Variants in FKBP6 observed in about 807,000 individuals in gnomAD.
The protein encoded by FKBP6 is inactive peptidyl-prolyl cis-trans isomerase FKBP6.
In FKBP6, 29 loss-of-function variants were observed where a neutral mutation model predicts 41.7. The ratio of observed to expected loss-of-function variants is 0.70; its 90% CI spans 0.52 to 0.95. The LOEUF is 0.95. FKBP6 is among the 40% of genes least tolerant of loss of function. The probability of loss-of-function intolerance (pLI) is 0.00; values close to 1 mark genes in which losing one functional copy is unlikely to be tolerated. For missense variants in FKBP6, 338 were observed against 408.7 expected, an observed-to-expected ratio of 0.83 and a Z score of 1.49; for synonymous variants, 130 against 165.1, an observed-to-expected ratio of 0.79 and a Z score of 1.63.
chr7:73,351,279 C>G (rs1805483416), intron 8 of FKBP6, among the ~76,000 whole-genome samples: 1 of 152,184 alleles, frequency 6.6e-6, no homozygotes, highest in South Asian at 2.1e-4. Context: ...ATTCATCCGC[C>G]TCAGCCTCCC....
intron 8 of FKBP6, among the ~76,000 whole-genome samples, chr7:73,352,123 G>A (rs1266327232): frequency 1.3e-5 from 2 of 152,126 alleles, no homozygotes; most frequent in Non-Finnish European, 2.9e-5. Context: ...GTGCCAGCAT[G>A]CCCTGCTGAT....
In FKBP6 at chr7:73,342,875, G is replaced by C; in HGVS notation, c.962G>C (p.Gly321Ala). Residue 321 changes from glycine to alanine, a missense_variant, in exon 8 of 9, where the codon GGT becomes GCT. Gly to Ala is a moderately conservative substitution (Grantham distance 60). This residue lies in a region of FKBP6 where 239 missense variants were observed against 250.1 expected (regional missense o/e 0.96). Transcript: ENST00000252037. ...CGCATGTTCGCGCCCTGTGGCGATG[G>C]TTCTACAGCAGGAGAAAGTTGAAGG... is the stretch of plus-strand genomic sequence containing the variant. ...WHRMFAPCGD[G>A]STAGES 1 of 1,613,746 alleles carries C rather than the reference G, an allele frequency of 6.2e-7. No homozygotes were observed. The highest frequency in any genetic ancestry group is 8.5e-7 in the Non-Finnish European group (1 of 1,179,588).
At position 73,340,666 on chromosome 7, in the gene FKBP6, C is replaced by T. The variant is rs969153937; in HGVS notation, c.617C>T (p.Ala206Val). The T allele has an allele frequency of 4.3e-6, 7 of 1,613,760 alleles. No homozygotes were observed. The highest frequency in any genetic ancestry group is 1.7e-4 in the Middle Eastern group (1 of 5,916). The change falls in exon 6 of 9, where the codon GCA becomes GTA. Residue 206 changes from alanine (A) to valine (V), a missense_variant. Physicochemically the swap from Ala to Val is moderately conservative, Grantham distance 64. This residue lies in a region of FKBP6 where 239 missense variants were observed against 250.1 expected (regional missense o/e 0.96). Transcript: ENST00000252037. The stretch of plus-strand genomic sequence containing the variant: ...CTATTGCTTCTGCGCCGGCGATCAG[C>T]ACCCCCTGAAGAGCAGCACCTGGTG... ...RALLLLRRRS[A>V]PPEEQHLVEA...
intron 2 of FKBP6, 43 bp from the exon 3 acceptor site, chr7:73,329,317 G>A (rs1804753284): frequency 9.4e-7 from 1 of 1,065,732 alleles, no homozygotes; most frequent in Middle Eastern, 2.0e-4. Flanking sequence ...GGTGGCGTGG[G>A]TGTTTTTGGT....
intron 8 of FKBP6, among the ~76,000 whole-genome samples, chr7:73,351,788 A>G (rs1487256444): frequency 3.3e-5 from 5 of 152,116 alleles, no homozygotes; most frequent in Non-Finnish European, 7.4e-5. Flanking sequence ...ACTAAGTTCA[A>G]TCCTGGAGAT....
At chr7:73,349,083 T>C (rs1442857976) in intron 8 of FKBP6, among the ~76,000 whole-genome samples, 1 of 151,248 alleles carries the variant, frequency 6.6e-6, no homozygotes, top group Non-Finnish European at 1.5e-5. Context: ...CCAGTCTGGG[T>C]GACAGAGTGA....
chr7:73,336,009 G>A (rs1804996441), intron 5 of FKBP6, among the ~76,000 whole-genome samples: 1 of 152,150 alleles, frequency 6.6e-6, no homozygotes, highest in Non-Finnish European at 1.5e-5. Flanking sequence ...CATTGTCTGG[G>A]TCACACAAGT....
intron 5 of FKBP6, chr7:73,336,651 G>T (rs1302563256): frequency 2.8e-5 from 12 of 429,032 alleles, no homozygotes; most frequent in Non-Finnish European, 5.7e-5. Context: ...TACAAACAGG[G>T]GTCCACCTCC....
At chr7:73,334,553 G>A (rs1804946337) in intron 5 of FKBP6, among the ~76,000 whole-genome samples, 2 of 152,122 alleles carry the variant, frequency 1.3e-5, no homozygotes, top group South Asian at 4.1e-4. Flanking sequence ...GGAGTCCAAG[G>A]TGGGAGGATT....
intron 8 of FKBP6, among the ~76,000 whole-genome samples, chr7:73,356,064 TC>T (rs1435620136): frequency 2.2e-5 from 1 of 45,786 alleles, no homozygotes; most frequent in African/African-American, 9.6e-5. Context: ...AGACTCTGTC[TC>T]AAAAAAAAAA....
intron 5 of FKBP6, among the ~76,000 whole-genome samples, chr7:73,334,622 A>G (rs1804948035): frequency 6.6e-6 from 1 of 152,146 alleles, no homozygotes; most frequent in African/African-American, 2.4e-5. Context: ...CATCTCTACA[A>G]AAAATAAATT....
intron 6 of FKBP6, among the ~76,000 whole-genome samples, 165 bp from the exon 7 acceptor site, chr7:73,341,108 G>A (rs979166719): frequency 2.2e-4 from 33 of 152,084 alleles, no homozygotes; most frequent in Middle Eastern, 3.4e-3. Flanking sequence ...AGTTTTAGTA[G>A]AGATAGGGTT....
intron 8 of FKBP6, among the ~76,000 whole-genome samples, chr7:73,355,210 G>A (rs368833734): frequency 6.6e-5 from 10 of 152,206 alleles, no homozygotes; most frequent in East Asian, 1.9e-4. Context: ...AGCTGGAGTC[G>A]GCTGTGGACC....
At position 73,331,567 on chromosome 7, in the gene FKBP6, C is replaced by G. The variant is rs574365118; in HGVS notation, c.469-90C>G. ...CTCACTATGTTGCCCAGGCTGGTCT[C>G]GAACTCCTGGGCTCACGTGTACTAA... On this transcript the variant is annotated intron_variant, in intron 4 of 8. Transcript: ENST00000252037. The G allele has an allele frequency of 2.9e-4, 398 of 1,384,008 alleles. 4 individuals carry two copies. The Admixed American group carries it at 3.3e-3, about 12-fold the overall frequency. 85.7% of individuals were successfully genotyped at this position (1,384,008 alleles called of 1,614,324 possible).
chr7:73,329,917 T>C (rs782265472), intron 3 of FKBP6: 15 of 598,614 alleles, frequency 2.5e-5, no homozygotes, highest in Non-Finnish European at 4.2e-5. Flanking sequence ...AGCTGGGAGG[T>C]TCAGGGAAGG....
At chr7:73,349,962 G>A (rs1805444288) in intron 8 of FKBP6, among the ~76,000 whole-genome samples, 4 of 152,088 alleles carry the variant, frequency 2.6e-5, no homozygotes, top group Admixed American at 2.6e-4. Context: ...GGCTGTCCGA[G>A]AATCCCCAGC....
intron 4 of FKBP6, among the ~76,000 whole-genome samples, chr7:73,331,227 C>G (rs1487545195): frequency 1.3e-5 from 2 of 152,176 alleles, no homozygotes; most frequent in Non-Finnish European, 2.9e-5. Flanking sequence ...CAAACCAAGA[C>G]CTGTTCAGTG....
intron 5 of FKBP6, among the ~76,000 whole-genome samples, chr7:73,335,150 A>AG (rs1181388022): frequency 6.6e-6 from 1 of 152,048 alleles, no homozygotes; most frequent in Non-Finnish European, 1.5e-5. Flanking sequence ...AAAAAAAAAA[A>AG]AAGTCCTATT....
intron 5 of FKBP6, among the ~76,000 whole-genome samples, chr7:73,332,227 T>TA (rs1804868604): frequency 1.3e-5 from 2 of 151,956 alleles, no homozygotes; most frequent in African/African-American, 4.8e-5. Flanking sequence ...AAATCTCATT[T>TA]AAAAAAATCC....
Sources: allele counts gnomAD v4.1 joint callset (sites outside exome capture counted in the v4.1 genomes callset), GRCh38; gene constraint gnomAD v4.1.1; regional missense constraint gnomAD v4.1.1; transcripts MANE v1.5; gene names NCBI Gene and HGNC (gene_info 2026-07-23, HGNC 2026-07-21).